C10orf90: variants seen among roughly 807,000 people sequenced by gnomAD.
C10orf90 encodes (E2-independent) E3 ubiquitin-conjugating enzyme FATS.
C10orf90 carries 56 observed loss-of-function variants against 62.5 expected under a neutral mutation model. The ratio of observed to expected loss-of-function variants is 0.90; its 90% CI spans 0.72 to 1.12. The LOEUF is 1.12. Ranked by LOEUF, C10orf90 falls within the 50% of genes most tolerant of loss-of-function variation. C10orf90 has a pLI of 0.00. For synonymous variants in C10orf90, 386 were observed against 340.4 expected (o/e 1.13, Z -1.47); for missense variants, 970 against 880.4 (o/e 1.10, Z -1.29).
intron 3 of C10orf90, 26 bp from the exon 4 acceptor site, chr10:126,505,111 A>T (rs1345124512): frequency 2.5e-6 from 4 of 1,580,840 alleles, no homozygotes; most frequent in Non-Finnish European, 3.4e-6. Context: ...GATCCCGATT[A>T]TTCAAGCAGT....
chr10:126,487,834 C>G (rs1415158499), intron 4 of C10orf90, among the ~76,000 whole-genome samples: 1 of 152,004 alleles, frequency 6.6e-6, no homozygotes, highest in Non-Finnish European at 1.5e-5. Flanking sequence ...TTGTGAGAAT[C>G]AAAAAGCAAA....
intron 2 of C10orf90, among the ~76,000 whole-genome samples, chr10:126,542,827 A>T (rs2033695): frequency 1.3e-5 from 2 of 152,022 alleles, no homozygotes; most frequent in Admixed American, 1.3e-4. Context: ...AGTATCTATT[A>T]AAATGTACAA....
intron 8 of C10orf90, among the ~76,000 whole-genome samples, chr10:126,427,916 T>C (rs1460080543): frequency 1.3e-5 from 2 of 152,186 alleles, no homozygotes; most frequent in East Asian, 3.9e-4. Flanking sequence ...GTTCTGTCCC[T>C]CTGGGGAACC....
In C10orf90 at chr10:126,429,829, T is replaced by C; in HGVS notation, c.2210A>G (p.Glu737Gly). 6.2e-7 allele frequency: 1 copy of C among 1,614,076 alleles called. No homozygotes were observed. Among genetic ancestry groups the C allele is most frequent in the Non-Finnish European group, 8.5e-7 (1 of 1,179,964 alleles). The change falls in exon 8 of 10, where the codon GAA becomes GGA. Residue 737 changes from glutamate (E) to glycine (G), a missense_variant. Physicochemically the swap from Glu to Gly is moderately conservative, Grantham distance 98. Transcript: ENST00000488181. Reference sequence around the variant, plus strand: ...CATCTCCTTCTCTGAAATGCACCGTTCTTTGGGTTTGAACAAGTTATCTGG... The same window carrying C: ...CATCTCCTTCTCTGAAATGCACCGTCCTTTGGGTTTGAACAAGTTATCTGG... ...PLSDNLFKPKERCISEKEMHM... is the reference protein window; with the variant it reads ...PLSDNLFKPKGRCISEKEMHM...
chr10:126,541,685 A>T (rs1328804133), intron 2 of C10orf90, among the ~76,000 whole-genome samples: 1 of 152,222 alleles, frequency 6.6e-6, no homozygotes, highest in Non-Finnish European at 1.5e-5. Flanking sequence ...TAATTAAAAC[A>T]AAACAGAAAA....
At chr10:126,498,776 C>T (rs1220246435) in intron 4 of C10orf90, among the ~76,000 whole-genome samples, 2 of 152,214 alleles carry the variant, frequency 1.3e-5, no homozygotes, top group Non-Finnish European at 2.9e-5. Flanking sequence ...GCCCTTATGG[C>T]AACTCAGAAT....
chr10:126,545,971 G>A (rs1272287540), intron 2 of C10orf90, among the ~76,000 whole-genome samples: 1 of 152,138 alleles, frequency 6.6e-6, no homozygotes, highest in Non-Finnish European at 1.5e-5. Context: ...GTGGAGAGGA[G>A]AAAGACTAGC....
chr10:126,636,605 A>G (rs919373303), intron 2 of C10orf90, among the ~76,000 whole-genome samples: 1 of 152,236 alleles, frequency 6.6e-6, no homozygotes, highest in Non-Finnish European at 1.5e-5. Flanking sequence ...CAGCTTCCAG[A>G]TAAATATTCC....
intron 4 of C10orf90, among the ~76,000 whole-genome samples, chr10:126,484,098 G>T (rs891782619): frequency 9.9e-5 from 15 of 152,042 alleles, no homozygotes; most frequent in African/African-American, 3.6e-4. Context: ...GCATCTTGGG[G>T]CAAAGAAAGT....
chr10:126,601,173 G>A (rs575717083), intron 2 of C10orf90, among the ~76,000 whole-genome samples: 1 of 152,126 alleles, frequency 6.6e-6, no homozygotes, highest in Non-Finnish European at 1.5e-5. Flanking sequence ...AGAACAGAAA[G>A]CCCCCGGGTC....
intron 7 of C10orf90, among the ~76,000 whole-genome samples, chr10:126,450,557 A>G (rs534866113): frequency 7.0e-4 from 106 of 152,328 alleles, no homozygotes; most frequent in African/African-American, 2.5e-3. Flanking sequence ...CATTCAACTA[A>G]TCTTTGACAA....
intron 4 of C10orf90, among the ~76,000 whole-genome samples, chr10:126,479,394 G>A (rs960360268): frequency 1.7e-4 from 26 of 152,206 alleles, no homozygotes; most frequent in African/African-American, 6.0e-4. Flanking sequence ...CAGTAAGAAG[G>A]GGGCTCAGTC....
intron 7 of C10orf90, among the ~76,000 whole-genome samples, chr10:126,442,768 C>A (rs1858483173): frequency 6.8e-6 from 1 of 147,068 alleles, no homozygotes; most frequent in African/African-American, 2.5e-5. Context: ...GGCTACAAAA[C>A]AAACCTCAAT....
intron 4 of C10orf90, among the ~76,000 whole-genome samples, chr10:126,497,619 C>T (rs191719927): frequency 3.3e-4 from 51 of 152,288 alleles, no homozygotes; most frequent in African/African-American, 1.2e-3. Context: ...AAAACAGAGA[C>T]CTCGCAGGCA....
intron 4 of C10orf90, chr10:126,469,744 C>T (rs1216495214): frequency 5.1e-6 from 2 of 389,624 alleles, no homozygotes; most frequent in African/African-American, 2.1e-5. Context: ...CTCACCTCTT[C>T]CTCTCACCTG....
intron 2 of C10orf90, among the ~76,000 whole-genome samples, chr10:126,534,091 T>C (rs1161256594): frequency 2.6e-5 from 4 of 152,248 alleles, no homozygotes; most frequent in Admixed American, 6.5e-5. Context: ...CCTGTCCTCC[T>C]GTCCTCCCTT....
At chr10:126,593,750 A>T (rs1295478093) in intron 2 of C10orf90, among the ~76,000 whole-genome samples, 1 of 152,118 alleles carries the variant, frequency 6.6e-6, no homozygotes, top group Non-Finnish European at 1.5e-5. Flanking sequence ...CCTACCATAC[A>T]TTGTGTTCTC....
chr10:126,544,888 C>T (rs1864455995), intron 2 of C10orf90, among the ~76,000 whole-genome samples: 1 of 152,066 alleles, frequency 6.6e-6, no homozygotes, highest in Admixed American at 6.5e-5. Flanking sequence ...TACTATTCCC[C>T]TTCCTATTGA....
intron 7 of C10orf90, among the ~76,000 whole-genome samples, chr10:126,437,109 A>C (rs976575625): frequency 6.6e-6 from 1 of 152,174 alleles, no homozygotes; most frequent in Non-Finnish European, 1.5e-5. Flanking sequence ...TACTCAAGCT[A>C]GTCTTCTCTC....
Sources: gnomAD v4.1 joint callset for allele counts (sites outside exome capture counted in the v4.1 genomes callset) on GRCh38, gnomAD v4.1.1 for gene constraint, MANE v1.5 for transcripts, NCBI Gene and HGNC (gene_info 2026-07-23, HGNC 2026-07-21) for gene names.